The following ERICH6 variants were observed in gnomAD, a reference collection of about 807,000 sequenced individuals.
ERICH6 encodes glutamate-rich protein 6.
ERICH6 carries 71 observed loss-of-function variants against 71.0 expected under a neutral mutation model. That is an observed-to-expected ratio of 1.00 (90% confidence interval 0.83 to 1.22). The LOEUF (loss-of-function observed/expected upper bound fraction) is 1.22, where lower values mean the gene tolerates loss of function less well. Among genes scored for constraint, ERICH6 ranks in the 50% most tolerant of loss-of-function variants. The probability of loss-of-function intolerance (pLI) is 0.00; values close to 1 mark genes in which losing one functional copy is unlikely to be tolerated. For missense variants in ERICH6, 808 were observed against 797.2 expected (o/e 1.01, Z -0.16); for synonymous variants, 262 against 278.4 (o/e 0.94, Z 0.59).
At chr3:150,693,510 A>T (rs1712531212) in intron 3 of ERICH6, among the ~76,000 whole-genome samples, 1 of 152,216 alleles carries the variant, frequency 6.6e-6, no homozygotes, top group African/African-American at 2.4e-5. Context: ...ACTCATAGGT[A>T]TTTGATGGTA....
At chr3:150,695,678 GA>G (rs1322252921) in intron 3 of ERICH6, among the ~76,000 whole-genome samples, 1 of 151,216 alleles carries the variant, frequency 6.6e-6, no homozygotes, top group Non-Finnish European at 1.5e-5. Flanking sequence ...AAAAGAGAAA[GA>G]AAAAAAGACC....
intron 10 of ERICH6, among the ~76,000 whole-genome samples, chr3:150,675,590 C>G (rs1711619932): frequency 6.6e-6 from 1 of 152,178 alleles, no homozygotes; most frequent in Non-Finnish European, 1.5e-5. Flanking sequence ...CTTAGGTGGT[C>G]TGCCTGCTTT....
intron 10 of ERICH6, among the ~76,000 whole-genome samples, chr3:150,674,485 T>C (rs1187437323): frequency 1.3e-5 from 2 of 152,220 alleles, no homozygotes; most frequent in African/African-American, 4.8e-5. Context: ...AATTACTATA[T>C]TTTGTAATAG....
At chr3:150,689,138 A>C (rs140141986) in intron 3 of ERICH6, among the ~76,000 whole-genome samples, 1 of 152,168 alleles carries the variant, frequency 6.6e-6, no homozygotes, top group African/African-American at 2.4e-5. Context: ...CCCTCCAGAG[A>C]ATCCCTGATC....
chr3:150,698,624 G>A (rs1341095631), intron 3 of ERICH6, among the ~76,000 whole-genome samples, 167 bp downstream of exon 3: 3 of 152,144 alleles, frequency 2.0e-5, no homozygotes, highest in South Asian at 2.1e-4. Flanking sequence ...ATTTCCAAGA[G>A]ATGAAGAAAG....
intron 3 of ERICH6, among the ~76,000 whole-genome samples, chr3:150,687,895 A>T (rs1031228088): frequency 9.9e-5 from 15 of 152,116 alleles, no homozygotes; most frequent in Non-Finnish European, 2.9e-5. Context: ...AGGTGGGGAG[A>T]TTACTTGAGT....
chr3:150,684,812 C>A (rs1389138907), intron 6 of ERICH6, among the ~76,000 whole-genome samples: 1 of 151,444 alleles, frequency 6.6e-6, no homozygotes, highest in African/African-American at 2.4e-5. Flanking sequence ...TAATAATAAG[C>A]CTGGGAAACA....
At chr3:150,669,616 T>C (rs1711497238) in intron 11 of ERICH6, among the ~76,000 whole-genome samples, 165 bp from the exon 12 acceptor site, 1 of 152,186 alleles carries the variant, frequency 6.6e-6, no homozygotes. Context: ...CAGAATATAC[T>C]CATGAGATGC....
intron 7 of ERICH6, among the ~76,000 whole-genome samples, chr3:150,681,807 C>CTT (rs34909258): frequency 0.12 from 8,301 of 70,252 alleles, 461 homozygotes; most frequent in Non-Finnish European, 0.13. Context: ...ACACATAACT[C>CTT]TTTTTTTTTT....
chr3:150,702,685 C>T (rs528722131), intron 1 of ERICH6, among the ~76,000 whole-genome samples: 1 of 152,126 alleles, frequency 6.6e-6, no homozygotes, highest in South Asian at 2.1e-4. Flanking sequence ...CCCAATCCTC[C>T]CCAACAAAGA....
chr3:150,663,664 G>A (rs946406052), intron 13 of ERICH6, among the ~76,000 whole-genome samples: 87 of 152,114 alleles, frequency 5.7e-4, no homozygotes, highest in African/African-American at 2.0e-3. Flanking sequence ...CTTTCATAGA[G>A]ATCGGGTCTC....
intron 13 of ERICH6, among the ~76,000 whole-genome samples, chr3:150,662,313 C>G (rs1036499008): frequency 4.6e-5 from 7 of 152,198 alleles, no homozygotes; most frequent in Non-Finnish European, 1.0e-4. Context: ...AAAATATATA[C>G]GGCAAAAGTT....
At chr3:150,679,667 T>C (rs1037726411) in intron 9 of ERICH6, among the ~76,000 whole-genome samples, 2 of 147,470 alleles carry the variant, frequency 1.4e-5, no homozygotes, top group Non-Finnish European at 3.0e-5. Flanking sequence ...ATAAGCTGAC[T>C]TTTTTTTTTT....
chr3:150,694,538 A>G (rs907259727), intron 3 of ERICH6, among the ~76,000 whole-genome samples: 2 of 152,138 alleles, frequency 1.3e-5, no homozygotes, highest in African/African-American at 4.8e-5. Flanking sequence ...AGAATTGACT[A>G]TTCCCCTACC....
At chr3:150,672,552 C>T (rs1255874554) in intron 11 of ERICH6, among the ~76,000 whole-genome samples, 3 of 151,816 alleles carry the variant, frequency 2.0e-5, no homozygotes, top group Non-Finnish European at 4.4e-5. Flanking sequence ...GAGCCAAGAT[C>T]CCACTACTGC....
chr3:150,678,238 CAT>C (rs1457223854), intron 10 of ERICH6, among the ~76,000 whole-genome samples, 169 bp downstream of exon 10: 3 of 152,186 alleles, frequency 2.0e-5, no homozygotes, highest in Non-Finnish European at 4.4e-5. Flanking sequence ...TTAACCCAAA[CAT>C]ATGACATTGT....
chr3:150,690,242 CT>C (rs1293626441), intron 3 of ERICH6, among the ~76,000 whole-genome samples: 1 of 152,116 alleles, frequency 6.6e-6, no homozygotes, highest in Non-Finnish European at 1.5e-5. Context: ...TTTAATCTCC[CT>C]CTAGCACACC....
At chr3:150,685,582 CAACT>C (rs1051736345) in intron 6 of ERICH6, among the ~76,000 whole-genome samples, 156 bp downstream of exon 6, 10 of 151,302 alleles carry the variant, frequency 6.6e-5, no homozygotes, top group African/African-American at 2.4e-4. Context: ...CAGCCCTAGG[CAACT>C]AACACAGACA....
chr3:150,690,207 T>G (rs1712373143), intron 3 of ERICH6, among the ~76,000 whole-genome samples: 1 of 152,214 alleles, frequency 6.6e-6, no homozygotes, highest in South Asian at 2.1e-4. Context: ...ATTTTTATAA[T>G]TTTATGTTTG....
Sources: allele counts gnomAD v4.1 joint callset (sites outside exome capture counted in the v4.1 genomes callset), GRCh38; gene constraint gnomAD v4.1.1; transcripts MANE v1.5; gene names NCBI Gene and HGNC (gene_info 2026-07-23, HGNC 2026-07-21).